Variants in SLC2A13 observed in about 807,000 individuals in gnomAD.
The protein encoded by SLC2A13 is solute carrier family 2 member 13.
In SLC2A13, 32 loss-of-function variants were observed where a neutral mutation model predicts 64.4. That is an observed-to-expected ratio of 0.50 (90% CI 0.37 to 0.67). SLC2A13 has a LOEUF of 0.67. Ranked by LOEUF, SLC2A13 falls within the 30% of genes least tolerant of loss-of-function variation. The pLI is 0.00. For synonymous variants in SLC2A13, 338 were observed against 327.1 expected, an observed-to-expected ratio of 1.03 and a Z score of -0.36; for missense variants, 743 against 829.2, an observed-to-expected ratio of 0.90 and a Z score of 1.28.
intron 7 of SLC2A13, chr12:39,802,279 T>A (rs961730081): frequency 2.6e-5 from 4 of 152,182 alleles, no homozygotes; most frequent in Admixed American, 2.0e-4. Flanking sequence ...TTATGTAGCC[T>A]GTCATTCAGG....
At chr12:39,917,203 G>C (rs1260406869) in intron 4 of SLC2A13, among the ~76,000 whole-genome samples, 1 of 151,122 alleles carries the variant, frequency 6.6e-6, no homozygotes, top group Non-Finnish European at 1.5e-5. Context: ...AACTAATGGG[G>C]TGTTCAGAAG....
chr12:40,037,557 T>C (rs1386354169), intron 2 of SLC2A13, among the ~76,000 whole-genome samples: 3 of 149,042 alleles, frequency 2.0e-5, no homozygotes, highest in Non-Finnish European at 4.4e-5. Context: ...CGGTCAATGC[T>C]GTAAGTGAGC....
chr12:39,984,981 C>T (rs994232637), intron 3 of SLC2A13, among the ~76,000 whole-genome samples: 2 of 151,982 alleles, frequency 1.3e-5, no homozygotes, highest in African/African-American at 2.4e-5. Context: ...CCCATAAAAG[C>T]GAGAATATCA....
chr12:39,864,896 A>C lies in SLC2A13; in HGVS notation c.1199-14T>G, dbSNP rs758775581. Reference sequence around the variant, plus strand: ...CTACGGTGGTACCTTAAAAAAAAAAAGTTTTATATTAGAGAAGAGTTGACA... The same window carrying C: ...CTACGGTGGTACCTTAAAAAAAAAACGTTTTATATTAGAGAAGAGTTGACA... On this transcript the variant is annotated splice_polypyrimidine_tract_variant and intron_variant, in intron 5 of 9. Coordinates refer to ENST00000280871, the MANE Select transcript of SLC2A13 (RefSeq NM_052885.4). 1 of 1,601,394 alleles carries C rather than the reference A, an allele frequency of 6.2e-7. No individual in the cohort carries two copies. Among genetic ancestry groups the C allele is most frequent in the Non-Finnish European group, 8.5e-7 (1 of 1,175,198 alleles).
chr12:39,846,386 G>T (rs1447691531), intron 6 of SLC2A13, among the ~76,000 whole-genome samples: 2 of 152,112 alleles, frequency 1.3e-5, no homozygotes, highest in Non-Finnish European at 2.9e-5. Context: ...TCTAGAGAAA[G>T]ATCTTTCTCA....
chr12:39,889,815 C>G (rs548466271), intron 4 of SLC2A13, among the ~76,000 whole-genome samples: 43 of 152,238 alleles, frequency 2.8e-4, no homozygotes, highest in African/African-American at 9.9e-4. Context: ...CAGGTGTGAG[C>G]CACCAGGCCT....
At chr12:39,866,511 C>T (rs1420591415) in intron 5 of SLC2A13, among the ~76,000 whole-genome samples, 3 of 151,796 alleles carry the variant, frequency 2.0e-5, no homozygotes, top group Admixed American at 6.6e-5. Flanking sequence ...GACGGAGTCT[C>T]GCTGTCGCCC....
At position 40,028,138 on chromosome 12, in the gene SLC2A13, T is replaced by C. The variant is rs187878990; in HGVS notation, c.925+163A>G. On this transcript the variant is annotated intron_variant, in intron 3 of 9. Transcript: ENST00000280871. ...ATGAATATGGAAGGTCAATAATACA[T>C]ATATAATTTTATATATGGATATTTT... Among the ~76,000 whole-genome samples the C allele has an allele frequency of 7.0e-4, 107 of 152,026 alleles. 1 individual carries two copies. Among genetic ancestry groups the C allele is most frequent in the Non-Finnish European group, 1.5e-4 (10 of 67,964 alleles).
At chr12:39,941,120 CATATAT>C (rs56394315) in intron 4 of SLC2A13, among the ~76,000 whole-genome samples, 15,920 of 149,516 alleles carry the variant, frequency 0.11, 1,161 homozygotes, top group East Asian at 0.35. Flanking sequence ...AGTATTCCAT[CATATAT>C]ATATATATAT....
At chr12:39,973,811 C>A (rs1361412992) in intron 3 of SLC2A13, among the ~76,000 whole-genome samples, 1 of 152,202 alleles carries the variant, frequency 6.6e-6, no homozygotes, top group Non-Finnish European at 1.5e-5. Context: ...TCTTGTTTTT[C>A]TCTCTTAGTA....
chr12:39,832,197 A>C (rs1462800147), intron 6 of SLC2A13, among the ~76,000 whole-genome samples: 2 of 152,182 alleles, frequency 1.3e-5, no homozygotes, highest in Non-Finnish European at 2.9e-5. Context: ...TTTAGAAGTA[A>C]GTACACTGAG....
chr12:39,978,256 G>A (rs1354606489), intron 3 of SLC2A13, among the ~76,000 whole-genome samples: 2 of 152,320 alleles, frequency 1.3e-5, no homozygotes, highest in South Asian at 2.1e-4. Context: ...CTCTTAATTG[G>A]TGAAGAAACC....
intron 7 of SLC2A13, among the ~76,000 whole-genome samples, chr12:39,778,976 G>A (rs7961216): frequency 0.95 from 145,404 of 152,256 alleles, 69,476 homozygotes; most frequent in East Asian, 1. Context: ...TAATTGCAGG[G>A]AAAAGAACTA....
chr12:39,778,454 C>T (rs1175883140), intron 7 of SLC2A13, among the ~76,000 whole-genome samples: 1 of 151,164 alleles, frequency 6.6e-6, no homozygotes, highest in Admixed American at 6.6e-5. Context: ...ATCACAGGGA[C>T]GAAGTTAGTT....
At chr12:39,967,477 C>A (rs974413302) in intron 3 of SLC2A13, among the ~76,000 whole-genome samples, 1 of 152,166 alleles carries the variant, frequency 6.6e-6, no homozygotes, top group Non-Finnish European at 1.5e-5. Context: ...CTGAATGAAA[C>A]TATTCTAGCA....
intron 4 of SLC2A13, among the ~76,000 whole-genome samples, chr12:39,923,079 T>C (rs2136058812): frequency 6.6e-6 from 1 of 152,328 alleles, no homozygotes; most frequent in South Asian, 2.1e-4. Flanking sequence ...ACTTAGTATC[T>C]ATGTTGTGTC....
chr12:39,770,614 T>G (rs887528356), intron 7 of SLC2A13, among the ~76,000 whole-genome samples: 3 of 152,166 alleles, frequency 2.0e-5, no homozygotes, highest in Non-Finnish European at 4.4e-5. Context: ...GAACATTAAA[T>G]ATTCCCATCT....
In SLC2A13 at chr12:40,048,451, C is replaced by T. The variant is rs17483419; in HGVS notation, c.557-241G>A. ...CTTGAAAGCCTACAAATGAAAGCAC[C>T]CCTAAAGACCTAAGATAATTTCAGA... On this transcript the variant is annotated intron_variant, in intron 1 of 9. Transcript: ENST00000280871. Among the ~76,000 whole-genome samples the T allele has an allele frequency of 4.7e-3, 714 of 152,098 alleles. 18 individuals carry two copies. In the East Asian group the frequency reaches 0.092, roughly 20 times the overall value.
chr12:39,821,874 A>G (rs1170476342), intron 7 of SLC2A13, among the ~76,000 whole-genome samples: 1 of 152,226 alleles, frequency 6.6e-6, no homozygotes, highest in African/African-American at 2.4e-5. Context: ...ACACGTGCCA[A>G]GAATAGAAGA....
Sources: allele counts gnomAD v4.1 joint callset (sites outside exome capture counted in the v4.1 genomes callset), GRCh38; gene constraint gnomAD v4.1.1; transcripts MANE v1.5; gene names NCBI Gene and HGNC (gene_info 2026-07-23, HGNC 2026-07-21).